KLHL8: variants seen among roughly 807,000 people sequenced by gnomAD.
KLHL8 encodes the protein kelch like family member 8.
A neutral mutation model predicts 63.5 loss-of-function variants in KLHL8; 38 were observed. The ratio of observed to expected loss-of-function variants is 0.60; its 90% CI spans 0.46 to 0.78. The LOEUF (loss-of-function observed/expected upper bound fraction) is 0.78, where lower values mean the gene tolerates loss of function less well. KLHL8 is among the 30% of genes least tolerant of loss of function. The pLI is 0.00. For missense variants in KLHL8, 566 were observed against 752.4 expected (o/e 0.75, Z 2.90); for synonymous variants, 224 against 254.3 (o/e 0.88, Z 1.13).
intron 3 of KLHL8, among the ~76,000 whole-genome samples, chr4:87,184,462 T>C (rs911919820): frequency 6.6e-6 from 1 of 152,232 alleles, no homozygotes; most frequent in African/African-American, 2.4e-5. Context: ...TTAGGAAACT[T>C]TGTTATTAAA....
chr4:87,217,647 CT>C (rs1216494811), intron 1 of KLHL8, among the ~76,000 whole-genome samples: 363 of 128,356 alleles, frequency 2.8e-3, no homozygotes, highest in South Asian at 4.8e-3. Context: ...AGCCTGGCCT[CT>C]TTTTTTTTTT....
intron 1 of KLHL8, among the ~76,000 whole-genome samples, chr4:87,238,277 C>G (rs13137873): frequency 6.6e-6 from 1 of 152,040 alleles, no homozygotes; most frequent in African/African-American, 2.4e-5. Flanking sequence ...CTGGATTTCT[C>G]ACCAAGCATA....
Position 87,160,651 on chromosome 4 carries a change from A to G in KLHL8, c.*2868T>C, listed in dbSNP as rs1009995435. The G allele has an allele frequency of 2.6e-5, 4 of 152,252 alleles. No homozygotes were observed. The highest frequency in any genetic ancestry group is 5.9e-5 in the Non-Finnish European group (4 of 68,038). The allele number at this position is 152,252 out of a possible 1,614,324, so 9.4% of individuals were successfully genotyped here. A position where few individuals can be genotyped will look rare whatever the true frequency, so the allele number is the denominator to read the frequency against. On this transcript the variant is annotated 3_prime_UTR_variant, in exon 10 of 10. Coordinates refer to ENST00000273963, the MANE Select transcript of KLHL8 (RefSeq NM_020803.5). ...AAGTATATAGTGAAATCTGTCAAAA[A>G]CAATGTCAAGTAACTTGTTTTTAAA...
intron 1 of KLHL8, among the ~76,000 whole-genome samples, chr4:87,217,242 GAA>G (rs11297877): frequency 1.6e-4 from 23 of 141,700 alleles, no homozygotes; most frequent in African/African-American, 3.1e-4. Context: ...ATTTTGTTCA[GAA>G]AAAAAAAAAA....
chr4:87,232,136 G>C (rs2110071145), intron 1 of KLHL8, among the ~76,000 whole-genome samples: 1 of 152,268 alleles, frequency 6.6e-6, no homozygotes. Context: ...ACTTACCTCT[G>C]TGTGCTCCTT....
At position 87,160,897 on chromosome 4, in the gene KLHL8, T is replaced by C. The variant is rs892330548; in HGVS notation, c.*2622A>G. On this transcript the variant is annotated 3_prime_UTR_variant, in exon 10 of 10. Transcript: ENST00000273963. ...TCTCACAATAAAGTAGCCATCTTCT[T>C]TGAATATTTCATCTCTTCATTTCTA... 6.6e-6 allele frequency: 1 copy of C among 152,226 alleles called. No individual in the cohort carries two copies. The highest frequency in any genetic ancestry group is 1.5e-5 in the Non-Finnish European group (1 of 68,032). The allele number at this position is 152,226 out of a possible 1,614,324, so 9.4% of individuals were successfully genotyped here.
At chr4:87,219,961 CG>C (rs71660122) in intron 1 of KLHL8, 11,691 of 152,174 alleles carry the variant, frequency 0.077, 623 homozygotes, top group Non-Finnish European at 0.12. Flanking sequence ...AGGGGGCGTC[CG>C]GCCGCCCTCC....
At chr4:87,176,662 T>G (rs1286640736) in intron 6 of KLHL8, 95 bp downstream of exon 6, 1 of 715,786 alleles carries the variant, frequency 1.4e-6, no homozygotes, top group African/African-American at 1.8e-5. Flanking sequence ...ATTTAAAGTT[T>G]CTAAAGTAGA....
intron 8 of KLHL8, among the ~76,000 whole-genome samples, chr4:87,164,944 C>A (rs184742842): frequency 4.8e-4 from 73 of 151,768 alleles, no homozygotes; most frequent in Non-Finnish European, 6.3e-4. Flanking sequence ...GTCAGGAGAT[C>A]GAGACCATCC....
intron 1 of KLHL8, among the ~76,000 whole-genome samples, chr4:87,202,574 A>T (rs1731963635): frequency 6.6e-6 from 1 of 152,200 alleles, no homozygotes; most frequent in African/African-American, 2.4e-5. Context: ...TACACACATA[A>T]ATGTGACAAC....
chr4:87,170,057 A>G, intron 8 of KLHL8, 22 bp downstream of exon 8: 1 of 1,586,098 alleles, frequency 6.3e-7, no homozygotes, highest in Non-Finnish European at 8.6e-7. Flanking sequence ...CTGATATATT[A>G]GAGAAATACC....
intron 5 of KLHL8, among the ~76,000 whole-genome samples, chr4:87,178,133 A>C (rs1730901063): frequency 6.6e-6 from 1 of 152,308 alleles, no homozygotes; most frequent in African/African-American, 2.4e-5. Flanking sequence ...GTAAAAAAAA[A>C]TTAATTGTAC....
chr4:87,231,892 C>G (rs1048852304), intron 1 of KLHL8, among the ~76,000 whole-genome samples: 1 of 152,194 alleles, frequency 6.6e-6, no homozygotes, highest in African/African-American at 2.4e-5. Flanking sequence ...GCCACCATGC[C>G]CGGTTGATTG....
chr4:87,198,252 G>A (rs904742205), intron 1 of KLHL8, among the ~76,000 whole-genome samples: 3 of 152,006 alleles, frequency 2.0e-5, no homozygotes, highest in Admixed American at 6.6e-5. Context: ...CCCGGGAGGC[G>A]GAGGTTGCAG....
intron 8 of KLHL8, chr4:87,167,759 T>C (rs1251672241): frequency 3.9e-6 from 1 of 254,948 alleles, no homozygotes; most frequent in South Asian, 5.3e-5. Context: ...GTAGTCTGTC[T>C]CCATTGGTGG....
intron 1 of KLHL8, among the ~76,000 whole-genome samples, chr4:87,226,163 T>C (rs1732971107): frequency 6.6e-6 from 1 of 152,244 alleles, no homozygotes; most frequent in South Asian, 2.1e-4. Flanking sequence ...TGTATCCATA[T>C]GTATGGTAGA....
chr4:87,167,244 G>T, intron 8 of KLHL8: 1 of 502,058 alleles, frequency 2.0e-6, no homozygotes, highest in Non-Finnish European at 3.8e-6. Flanking sequence ...AGATGTGAAG[G>T]TTGTCATCCC....
intron 1 of KLHL8, among the ~76,000 whole-genome samples, chr4:87,210,875 T>TA (rs1732377116): frequency 6.6e-6 from 1 of 152,324 alleles, no homozygotes; most frequent in African/African-American, 2.4e-5. Flanking sequence ...AACATCTTCC[T>TA]ATTCCTAGTG....
At chr4:87,186,638 C>T (rs1044681952) in intron 2 of KLHL8, among the ~76,000 whole-genome samples, 12 of 151,880 alleles carry the variant, frequency 7.9e-5, no homozygotes, top group Non-Finnish European at 1.8e-4. Flanking sequence ...GCCACCACAC[C>T]CAGCTAATTT....
Sources: allele counts gnomAD v4.1 joint callset (sites outside exome capture counted in the v4.1 genomes callset), GRCh38; gene constraint gnomAD v4.1.1; transcripts MANE v1.5; gene names NCBI Gene and HGNC (gene_info 2026-07-23, HGNC 2026-07-21).